NFX1: variants seen among roughly 807,000 people sequenced by gnomAD.
NFX1 encodes transcriptional repressor NF-X1.
A neutral mutation model predicts 137.2 loss-of-function variants in NFX1; 69 were observed. The ratio of observed to expected loss-of-function variants is 0.50; its 90% CI spans 0.41 to 0.61. The LOEUF (loss-of-function observed/expected upper bound fraction) is 0.61, where lower values mean the gene tolerates loss of function less well. NFX1 is among the 20% of genes least tolerant of loss of function. The pLI is 0.00. For synonymous variants in NFX1, 495 were observed against 474.1 expected (o/e 1.04, Z -0.57); for missense variants, 1,167 against 1,391.0 (o/e 0.84, Z 2.56).
At position 33,352,628 on chromosome 9, in the gene NFX1, A is replaced by G; in HGVS notation, c.2656-18A>G. ...GTTCCAGTGTGCTAAAAGTCGTTCC[A>G]TGTTCATCTGACTTCAGGTAGAGCT... On this transcript the variant is annotated intron_variant, in intron 16 of 23. Coordinates refer to ENST00000379540, the MANE Select transcript of NFX1 (RefSeq NM_002504.6). 3 of 1,612,688 alleles carry G rather than the reference A, an allele frequency of 1.9e-6. No homozygotes were observed. The highest frequency in any genetic ancestry group is 2.5e-6 in the Non-Finnish European group (3 of 1,178,608).
intron 5 of NFX1, among the ~76,000 whole-genome samples, chr9:33,309,801 A>G (rs1395429073): frequency 6.6e-6 from 1 of 152,128 alleles, no homozygotes; most frequent in Non-Finnish European, 1.5e-5. Flanking sequence ...TGTGAACATC[A>G]ATATTTTTAA....
chr9:33,347,796 C>T (rs866527277), intron 15 of NFX1: 2 of 282,336 alleles, frequency 7.1e-6, no homozygotes, highest in Non-Finnish European at 7.3e-6. Flanking sequence ...CATCAGTCAA[C>T]AAGTGGATAA....
chr9:33,347,190 C>T, intron 15 of NFX1, 73 bp downstream of exon 15: 2 of 1,172,442 alleles, frequency 1.7e-6, no homozygotes, highest in Non-Finnish European at 1.2e-6. Flanking sequence ...AATTGTTAGT[C>T]TCATCGTCTG....
Position 33,301,286 on chromosome 9 carries a change from A to G in NFX1, c.1057A>G (p.Thr353Ala). Residue 353 changes from threonine to alanine, a missense_variant, in exon 3 of 24, where the codon ACA (threonine) becomes GCA (alanine). Thr to Ala is a moderately conservative substitution (Grantham distance 58). This residue lies in a region of NFX1 where 488 missense variants were observed against 691.5 expected (regional missense o/e 0.71). Transcript: ENST00000379540. ...AGGTTCTCTAATTGAACAACTAACAACAGAAAAATACGAGTGCATGGTGTG... is the reference window on the plus strand; with the variant it reads ...AGGTTCTCTAATTGAACAACTAACAGCAGAAAAATACGAGTGCATGGTGTG... Reference protein sequence around the residue: ...HTGSLIEQLTTEKYECMVCCE... With the variant: ...HTGSLIEQLTAEKYECMVCCE... The G allele has an allele frequency of 6.2e-7, 1 of 1,613,928 alleles. No individual in the cohort carries two copies. The highest frequency in any genetic ancestry group is 8.5e-7 in the Non-Finnish European group (1 of 1,179,974).
chr9:33,364,063 G>A lies in NFX1; in HGVS notation c.2927G>A (p.Arg976His), dbSNP rs541435265. ...GAGGATTCTGATCCTTTCAATATAC[G>A]TTCTTCAGGGTCAAAATTCAGTGAT... ...ISEDSDPFNI[R>H]SSGSKFSDSL... The change falls in exon 20 of 24, where the codon CGT becomes CAT. Residue 976 changes from arginine to histidine, a missense_variant. Around this residue, in one of 3 missense-constraint regions of NFX1, gnomAD observed 312 missense variants for 312.8 expected, o/e 1.00. Coordinates refer to ENST00000379540, the MANE Select transcript of NFX1 (RefSeq NM_002504.6). The A allele has an allele frequency of 1.9e-5, 31 of 1,605,034 alleles. No individual in the cohort carries two copies. The highest frequency in any genetic ancestry group is 9.4e-5 in the African/African-American group (7 of 74,520).
intron 3 of NFX1, among the ~76,000 whole-genome samples, chr9:33,301,708 AT>A (rs1379172982): frequency 6.6e-6 from 1 of 152,196 alleles, no homozygotes; most frequent in Non-Finnish European, 1.5e-5. Context: ...TACTGATTTT[AT>A]TTCCTGTGGA....
chr9:33,357,824 C>T (rs1010108486), intron 19 of NFX1, among the ~76,000 whole-genome samples: 1 of 151,730 alleles, frequency 6.6e-6, no homozygotes, highest in Non-Finnish European at 1.5e-5. Context: ...GGATTATAAG[C>T]ATGAGTTACT....
intron 15 of NFX1, 61 bp downstream of exon 15, chr9:33,347,178 A>G (rs1564138782): frequency 7.9e-7 from 1 of 1,263,846 alleles, no homozygotes; most frequent in East Asian, 2.4e-5. Context: ...TTATTACTTA[A>G]GAATTGTTAG....
chr9:33,335,832 A>T (rs1056427233), intron 11 of NFX1, among the ~76,000 whole-genome samples: 2 of 152,180 alleles, frequency 1.3e-5, no homozygotes, highest in Non-Finnish European at 2.9e-5. Flanking sequence ...TTCACTTAGC[A>T]TGTTTTCTAA....
At chr9:33,314,308 T>TA (rs1822074178) in intron 7 of NFX1, among the ~76,000 whole-genome samples, 1 of 152,170 alleles carries the variant, frequency 6.6e-6, no homozygotes, top group Non-Finnish European at 1.5e-5. Flanking sequence ...TAGTAGATTT[T>TA]AAAATGCTGT....
intron 17 of NFX1, among the ~76,000 whole-genome samples, chr9:33,353,104 C>T (rs1299506061): frequency 2.0e-5 from 3 of 152,174 alleles, no homozygotes; most frequent in African/African-American, 7.2e-5. Context: ...AACAGTGCTG[C>T]TTTATATACC....
intron 19 of NFX1, 72 bp downstream of exon 19, chr9:33,354,964 C>A: frequency 7.0e-7 from 1 of 1,437,498 alleles, no homozygotes; most frequent in Non-Finnish European, 9.7e-7. Flanking sequence ...GGGAGCAACC[C>A]TTCAAACGTC....
intron 15 of NFX1, among the ~76,000 whole-genome samples, chr9:33,350,205 G>A (rs1049354434): frequency 4.0e-5 from 6 of 151,580 alleles, no homozygotes; most frequent in African/African-American, 1.5e-4. Flanking sequence ...TTGGGAGGCT[G>A]AGGTAGGAGA....
chr9:33,335,316 C>T (rs1788462298), intron 11 of NFX1, among the ~76,000 whole-genome samples: 1 of 150,858 alleles, frequency 6.6e-6, no homozygotes, highest in Non-Finnish European at 1.5e-5. Context: ...CTGCAACCTC[C>T]ACCTCCTGGG....
rs774643400 is a variant in NFX1 at position 33,358,770 on chromosome 9, C to T, written c.2873+3878C>T. The stretch of plus-strand genomic sequence containing the variant: ...CTCTACCTCCTGGGTTCAAGTGATC[C>T]TCCCACCTCACCTCCCAAGTAGCTG... On this transcript the variant is annotated intron_variant, in intron 19 of 23. Coordinates refer to ENST00000379540, the MANE Select transcript of NFX1 (RefSeq NM_002504.6). 1.8e-4 allele frequency among the ~76,000 whole-genome samples: 27 copies of T among 146,956 alleles called. 1 individual carries two copies. Among genetic ancestry groups the T allele is most frequent in the Admixed American group, 5.6e-4 (8 of 14,214 alleles).
intron 7 of NFX1, among the ~76,000 whole-genome samples, chr9:33,314,975 A>T (rs831277): frequency 0.83 from 126,201 of 152,050 alleles, 52,500 homozygotes; most frequent in Non-Finnish European, 0.84. Context: ...ATAGAAAAAA[A>T]TTTTTTAATT....
intron 9 of NFX1, among the ~76,000 whole-genome samples, chr9:33,323,738 G>A (rs573438931): frequency 3.9e-4 from 59 of 149,838 alleles, no homozygotes; most frequent in Non-Finnish European, 7.1e-4. Flanking sequence ...GGGCAACAGA[G>A]CAAGACTTCA....
Position 33,322,542 on chromosome 9 carries a change from T to C in NFX1, c.1906+3415T>C, listed in dbSNP as rs73478904. 6.3e-3 allele frequency among the ~76,000 whole-genome samples: 957 copies of C among 152,160 alleles called. 9 individuals are homozygous for C. The highest frequency in any genetic ancestry group is 0.022 in the African/African-American group (922 of 41,488). On this transcript the variant is annotated intron_variant, in intron 9 of 23. Coordinates refer to ENST00000379540, the MANE Select transcript of NFX1 (RefSeq NM_002504.6). ...GCAGCTGAGCAGTTAGGGCTCCCTT[T>C]CTCCACCAAGCTCCCACTTACAGAA...
At chr9:33,308,888 G>T (rs961336363) in intron 5 of NFX1, among the ~76,000 whole-genome samples, 8 of 152,060 alleles carry the variant, frequency 5.3e-5, no homozygotes, top group African/African-American at 9.7e-5. Context: ...TGGTGGTGGC[G>T]CTGGGGAAAT....
Sources: gnomAD v4.1 joint callset for allele counts (sites outside exome capture counted in the v4.1 genomes callset) on GRCh38, gnomAD v4.1.1 for gene constraint, gnomAD v4.1.1 regional missense constraint, MANE v1.5 for transcripts, NCBI Gene and HGNC (gene_info 2026-07-23, HGNC 2026-07-21) for gene names.